The following ARID3B variants were observed in gnomAD, a reference collection of about 807,000 sequenced individuals.
ARID3B encodes the protein AT-rich interaction domain 3B.
In ARID3B, 10 loss-of-function variants were observed where a neutral mutation model predicts 51.9. The observed-to-expected ratio is 0.19, with a 90% CI of 0.12 to 0.33. The LOEUF is 0.33. Ranked by LOEUF, ARID3B falls within the 10% of genes least tolerant of loss-of-function variation. ARID3B has a pLI of 1.00. For synonymous variants in ARID3B, 205 were observed against 279.5 expected, an observed-to-expected ratio of 0.73 and a Z score of 2.66; for missense variants, 483 against 716.3, an observed-to-expected ratio of 0.67 and a Z score of 3.72.
intron 2 of ARID3B, among the ~76,000 whole-genome samples, chr15:74,571,102 T>C (rs2141464430): frequency 6.6e-6 from 1 of 152,216 alleles, no homozygotes; most frequent in South Asian, 2.1e-4. Context: ...CACTTCTTAG[T>C]TATACTTATG....
intron 4 of ARID3B, among the ~76,000 whole-genome samples, chr15:74,580,463 A>C: frequency 6.6e-6 from 1 of 152,230 alleles, no homozygotes; most frequent in Admixed American, 6.5e-5. Context: ...GTTTCATTAA[A>C]GAGTCAGGAT....
In ARID3B at chr15:74,551,022, C is replaced by G. The variant is rs148500498; in HGVS notation, c.552+6534C>G. On this transcript the variant is annotated intron_variant, in intron 2 of 8. Transcript: ENST00000346246. The stretch of plus-strand genomic sequence containing the variant: ...ACATATACCAAAATTTGAGCATACT[C>G]AAGTCCTGCAGTCAGCTCTGTGGAA... 1.6e-3 allele frequency among the ~76,000 whole-genome samples: 246 copies of G among 152,310 alleles called. 1 individual carries two copies. The highest frequency in any genetic ancestry group is 5.7e-3 in the African/African-American group (236 of 41,578).
chr15:74,544,056 C>T lies in ARID3B; in HGVS notation c.120C>T (p.Phe40=), dbSNP rs2061604936. The T allele has an allele frequency of 6.2e-7, 1 of 1,613,712 alleles. No individual in the cohort carries two copies. Among genetic ancestry groups the T allele is most frequent in the Admixed American group, 1.7e-5 (1 of 59,950 alleles). The change falls in exon 2 of 9, where the codon TTC becomes TTT. Residue 40 remains phenylalanine (F), a synonymous_variant. Transcript: ENST00000346246. The part of the protein sequence containing the change: ...KQGQQMREAQ[F]LYAQKLVTQP... ...GCCAGCAGATGAGAGAAGCCCAGTT[C>T]TTGTATGCCCAAAAGCTGGTCACAC...
chr15:74,553,975 C>T (rs1009264984), intron 2 of ARID3B, among the ~76,000 whole-genome samples: 10 of 151,632 alleles, frequency 6.6e-5, no homozygotes, highest in Non-Finnish European at 1.3e-4. Context: ...AGGCATGCAC[C>T]GCCACACCCA....
chr15:74,563,939 C>T (rs1012441470), intron 2 of ARID3B, among the ~76,000 whole-genome samples: 1 of 152,220 alleles, frequency 6.6e-6, no homozygotes, highest in African/African-American at 2.4e-5. Flanking sequence ...CCGCTGCCCT[C>T]TCTTCCTCCC....
intron 2 of ARID3B, among the ~76,000 whole-genome samples, chr15:74,571,233 G>C (rs890137358): frequency 4.6e-5 from 7 of 152,182 alleles, no homozygotes; most frequent in African/African-American, 1.7e-4. Flanking sequence ...TTTCAGACAA[G>C]CTTTATTAAA....
At chr15:74,576,184 C>T (rs941936902) in intron 4 of ARID3B, among the ~76,000 whole-genome samples, 6 of 152,076 alleles carry the variant, frequency 3.9e-5, no homozygotes, top group Non-Finnish European at 5.9e-5. Flanking sequence ...TATGAGCCAC[C>T]GCACCTGGTT....
chr15:74,573,460 T>C, intron 4 of ARID3B: 3 of 531,556 alleles, frequency 5.6e-6, no homozygotes, highest in Non-Finnish European at 3.4e-6. Flanking sequence ...TCCAATTGAC[T>C]GGTCTCTGGA....
At chr15:74,556,769 G>GTT (rs2061659559) in intron 2 of ARID3B, among the ~76,000 whole-genome samples, 5 of 126,282 alleles carry the variant, frequency 4.0e-5, no homozygotes, top group East Asian at 2.8e-4. Flanking sequence ...TCTTTTTTTT[G>GTT]TTTTTTGTTT....
intron 8 of ARID3B, 50 bp downstream of exon 8, chr15:74,593,286 A>G: frequency 6.4e-7 from 1 of 1,553,534 alleles, no homozygotes. Context: ...AGCTAGCCAC[A>G]GGGCAGCTCT....
chr15:74,580,668 A>G (rs2061758570), intron 4 of ARID3B, among the ~76,000 whole-genome samples: 1 of 152,174 alleles, frequency 6.6e-6, no homozygotes, highest in Non-Finnish European at 1.5e-5. Context: ...AAGGCCACAG[A>G]GCAGACTTAG....
intron 2 of ARID3B, among the ~76,000 whole-genome samples, chr15:74,552,218 C>A (rs190355513): frequency 1.2e-4 from 17 of 142,748 alleles, no homozygotes; most frequent in African/African-American, 4.1e-4. Context: ...CATGCCACCA[C>A]GCCCAGCTAA....
intron 7 of ARID3B, among the ~76,000 whole-genome samples, chr15:74,592,730 C>G (rs1026807254): frequency 6.6e-6 from 1 of 152,220 alleles, no homozygotes; most frequent in African/African-American, 2.4e-5. Context: ...CTCTGAGGGA[C>G]TCAGAGTCAA....
In ARID3B at chr15:74,591,347, A is replaced by G. The variant is rs1179148993; in HGVS notation, c.1078A>G (p.Ile360Val). 5.0e-6 allele frequency: 8 copies of G among 1,613,800 alleles called. No individual in the cohort carries two copies. Among genetic ancestry groups the G allele is most frequent in the Non-Finnish European group, 6.8e-6 (8 of 1,179,912 alleles). ...GAPALLSPPKIRFPILGLGSS... is the reference protein window; with the variant it reads ...GAPALLSPPKVRFPILGLGSS... ...CCCTGCCCTTCTCTCCCCACCCAAG[A>G]TCCGCTTTCCCATCCTTGGGCTTGG... The change falls in exon 6 of 9, where the codon ATC becomes GTC. Residue 360 changes from isoleucine (I) to valine (V), a missense_variant. Physicochemically the swap from Ile to Val is conservative, Grantham distance 29. Around this residue, in one of 3 missense-constraint regions of ARID3B, gnomAD observed 265 missense variants for 354.4 expected, o/e 0.75. Transcript: ENST00000346246. This position sits in a 1 kb window ranked among gnomAD's most constrained non-coding sequence, Gnocchi z 5.8.
At chr15:74,563,542 GTCTGTTTCCTT>G (rs1240919349) in intron 2 of ARID3B, among the ~76,000 whole-genome samples, 1 of 152,156 alleles carries the variant, frequency 6.6e-6, no homozygotes, top group Admixed American at 6.5e-5. Flanking sequence ...AACCTCTTAG[GTCTGTTTCCTT>G]TCTGTCACCA....
chr15:74,553,659 C>G (rs996072875), intron 2 of ARID3B, among the ~76,000 whole-genome samples: 1 of 152,024 alleles, frequency 6.6e-6, no homozygotes, highest in Non-Finnish European at 1.5e-5. Flanking sequence ...TTAAGATATT[C>G]TTTATGTTGG....
At chr15:74,584,587 C>T (rs1007536179) in intron 4 of ARID3B, among the ~76,000 whole-genome samples, 2 of 152,166 alleles carry the variant, frequency 1.3e-5, no homozygotes, top group African/African-American at 4.8e-5. Context: ...TGGAACCGGC[C>T]CATTCTCTGC....
intron 4 of ARID3B, among the ~76,000 whole-genome samples, chr15:74,584,649 G>A (rs2061773639): frequency 6.6e-6 from 1 of 152,170 alleles, no homozygotes; most frequent in Non-Finnish European, 1.5e-5. Context: ...TCTCATCTTT[G>A]TCTCCAAAGC....
intron 2 of ARID3B, among the ~76,000 whole-genome samples, chr15:74,570,728 AC>A (rs2141464180): frequency 1.3e-5 from 2 of 152,314 alleles, no homozygotes; most frequent in East Asian, 3.9e-4. Flanking sequence ...CATTAGGGCA[AC>A]CTACTGCATC....
Sources: allele counts gnomAD v4.1 joint callset (sites outside exome capture counted in the v4.1 genomes callset), GRCh38; gene constraint gnomAD v4.1.1; regional missense constraint gnomAD v4.1.1; non-coding constraint Gnocchi (gnomAD v3.1); transcripts MANE v1.5; gene names NCBI Gene and HGNC (gene_info 2026-07-23, HGNC 2026-07-21).